The following BEST3 variants were observed in gnomAD, a reference collection of about 807,000 sequenced individuals.
BEST3 encodes the protein bestrophin 3.
BEST3 carries 50 observed loss-of-function variants against 47.1 expected under a neutral mutation model. The ratio of observed to expected loss-of-function variants is 1.06; its 90% confidence interval spans 0.85 to 1.34. BEST3 has a LOEUF of 1.34. Among genes scored for constraint, BEST3 ranks in the 40% most tolerant of loss-of-function variants. The pLI is 0.00. For missense variants in BEST3, 765 were observed against 817.0 expected (o/e 0.94, Z 0.78); for synonymous variants, 282 against 298.8 (o/e 0.94, Z 0.58).
At chr12:69,688,927 A>T in intron 4 of BEST3, 1 of 235,672 alleles carries the variant, frequency 4.2e-6, no homozygotes, top group Non-Finnish European at 6.9e-6. Flanking sequence ...TATTGATTTT[A>T]ACAATATGTA....
At chr12:69,690,418 A>G (rs1259815182) in intron 4 of BEST3, among the ~76,000 whole-genome samples, 1 of 152,152 alleles carries the variant, frequency 6.6e-6, no homozygotes, top group Non-Finnish European at 1.5e-5. Context: ...AAATCACGTC[A>G]TTTTCCTATT....
At chr12:69,678,324 C>T (rs1256614471) in intron 5 of BEST3, among the ~76,000 whole-genome samples, 3 of 151,924 alleles carry the variant, frequency 2.0e-5, no homozygotes, top group Non-Finnish European at 2.9e-5. Context: ...CTGGCTTAAC[C>T]TCGCGATATT....
At chr12:69,672,711 T>G (rs1389620358) in intron 8 of BEST3, among the ~76,000 whole-genome samples, 174 bp downstream of exon 8, 2 of 152,136 alleles carry the variant, frequency 1.3e-5, no homozygotes, top group African/African-American at 4.8e-5. Flanking sequence ...AGCTGAAATC[T>G]CGGATGTGTA....
At chr12:69,676,362 G>A (rs1333262015) in intron 7 of BEST3, among the ~76,000 whole-genome samples, 1 of 151,510 alleles carries the variant, frequency 6.6e-6, no homozygotes, top group Non-Finnish European at 1.5e-5. Context: ...AGTGAGCTGA[G>A]ATTGCGTTAC....
At chr12:69,693,263 CTT>C (rs61067334) in intron 4 of BEST3, among the ~76,000 whole-genome samples, 12,138 of 112,952 alleles carry the variant, frequency 0.11, 1,533 homozygotes, top group African/African-American at 0.36. Flanking sequence ...TTTCTTTTTT[CTT>C]TTTTTTTTTT....
chr12:69,661,852 A>G (rs1883894306), intron 9 of BEST3, among the ~76,000 whole-genome samples: 1 of 152,198 alleles, frequency 6.6e-6, no homozygotes, highest in South Asian at 2.1e-4. Flanking sequence ...TCATTGAACC[A>G]AGGGCTTTGG....
In BEST3 at chr12:69,653,765, G is replaced by A. The variant is rs1010386566; in HGVS notation, c.*1142C>T. On this transcript the variant is annotated 3_prime_UTR_variant, in exon 10 of 10. Transcript: ENST00000330891. ...CTCCCTGGGAGGAGTACCAACATCC[G>A]ATCCCCATTATGCAGCTCTGGACCC... The A allele has an allele frequency of 1.4e-5, 14 of 985,260 alleles. No individual in the cohort carries two copies. The highest frequency in any genetic ancestry group is 1.0e-4 in the African/African-American group (6 of 57,196). The allele number at this position is 985,260 out of a possible 1,614,324, so 61.0% of individuals were successfully genotyped here. A position where few individuals can be genotyped will look rare whatever the true frequency, so the allele number is the denominator to read the frequency against.
chr12:69,670,367 G>A (rs1185701055), intron 9 of BEST3: 2 of 683,224 alleles, frequency 2.9e-6, no homozygotes, highest in Admixed American at 2.1e-5. Flanking sequence ...TCTCTAAGAT[G>A]TGCTTTGCGG....
chr12:69,694,930 T>C (rs1592379642), intron 2 of BEST3, among the ~76,000 whole-genome samples: 1 of 152,292 alleles, frequency 6.6e-6, no homozygotes, highest in South Asian at 2.1e-4. Flanking sequence ...CATTCTTGAT[T>C]ATCATGTGTA....
intron 4 of BEST3, among the ~76,000 whole-genome samples, chr12:69,693,229 C>A (rs896039976): frequency 6.8e-6 from 1 of 147,860 alleles, no homozygotes; most frequent in African/African-American, 2.5e-5. Flanking sequence ...CTTTCCTTTT[C>A]TTTCTCTCTC....
chr12:69,682,592 A>G (rs1885323130), intron 4 of BEST3, among the ~76,000 whole-genome samples: 2 of 151,502 alleles, frequency 1.3e-5, no homozygotes, highest in South Asian at 4.2e-4. Flanking sequence ...TCAATTTTTA[A>G]TGGGACAGAG....
chr12:69,652,400 A>C (rs746368593), downstream of BEST3, among the ~76,000 whole-genome samples: 1 of 152,236 alleles, frequency 6.6e-6, no homozygotes. Context: ...GTTTTTTTCA[A>C]CCGTGGTCTG....
chr12:69,660,936 T>C (rs1223400129), intron 9 of BEST3: 2 of 152,176 alleles, frequency 1.3e-5, no homozygotes, highest in Non-Finnish European at 2.9e-5. Context: ...AGCCCCATGG[T>C]TTCCCTTGCA....
At chr12:69,688,811 C>T (rs1416449746) in intron 4 of BEST3, among the ~76,000 whole-genome samples, 1 of 152,326 alleles carries the variant, frequency 6.6e-6, no homozygotes, top group East Asian at 1.9e-4. Flanking sequence ...CCACCAGCCT[C>T]AGAGTCTCCA....
chr12:69,684,039 C>T (rs1885409813), intron 4 of BEST3: 1 of 152,590 alleles, frequency 6.6e-6, no homozygotes, highest in Admixed American at 6.5e-5. Context: ...ATTATAGTTA[C>T]TGATTTGCTA....
chr12:69,676,035 C>T (rs1884894518), intron 7 of BEST3, among the ~76,000 whole-genome samples: 1 of 152,106 alleles, frequency 6.6e-6, no homozygotes, highest in African/African-American at 2.4e-5. Flanking sequence ...TGGAAGTTTA[C>T]AGAGGTGATG....
chr12:69,687,003 T>C lies in BEST3; in HGVS notation c.481+6671A>G, dbSNP rs1429927536. ...CTCTTAATTTCCCTTAGAAATCCTT[T>C]ACCTAGAGGCACAATTCTGAAAGGT... On this transcript the variant is annotated intron_variant, in intron 4 of 9. Transcript: ENST00000330891. 2.0e-4 allele frequency among the ~76,000 whole-genome samples: 30 copies of C among 152,296 alleles called. 1 individual carries two copies. Among genetic ancestry groups the C allele is most frequent in the Admixed American group, 1.7e-3 (26 of 15,302 alleles).
intron 9 of BEST3, among the ~76,000 whole-genome samples, chr12:69,662,016 A>C (rs73327739): frequency 1.3e-5 from 2 of 152,058 alleles, no homozygotes; most frequent in East Asian, 1.9e-4. Context: ...CCTCTTTAAT[A>C]TTGTTATATT....
In BEST3 at chr12:69,655,525, G is replaced by T. The variant is rs1340274179; in HGVS notation, c.1389C>A (p.His463Gln). Residue 463 changes from histidine (H) to glutamine (Q), a missense_variant, in exon 10 of 10, where the codon CAC becomes CAA. His to Gln is a conservative substitution (Grantham distance 24, BLOSUM62 0). Transcript: ENST00000330891. Reference sequence around the variant, plus strand: ...TGGTGGACAGCTCTCCCATGCTGAAGTGCAGCGTGGGGCTTCCTTCTGGGA... The same window carrying T: ...TGGTGGACAGCTCTCCCATGCTGAATTGCAGCGTGGGGCTTCCTTCTGGGA... Reference protein sequence around the residue: ...SCFPEGSPTLHFSMGELSTIR... With the variant: ...SCFPEGSPTLQFSMGELSTIR... 2 of 1,614,140 alleles carry T rather than the reference G, an allele frequency of 1.2e-6. No individual in the cohort carries two copies. The highest frequency in any genetic ancestry group is 1.1e-5 in the South Asian group (1 of 91,080).
Sources: allele counts gnomAD v4.1 joint callset (sites outside exome capture counted in the v4.1 genomes callset), GRCh38; gene constraint gnomAD v4.1.1; transcripts MANE v1.5; gene names NCBI Gene and HGNC (gene_info 2026-07-23, HGNC 2026-07-21).